ST8SIA1: variants seen among roughly 807,000 people sequenced by gnomAD.
ST8SIA1 encodes ST8 alpha-N-acetyl-neuraminide alpha-2,8-sialyltransferase 1, also known as alpha-N-acetylneuraminide alpha-2,8-sialyltransferase.
ST8SIA1 carries 16 observed loss-of-function variants against 35.9 expected under a neutral mutation model. That is an observed-to-expected ratio of 0.45 (90% CI 0.30 to 0.68). The LOEUF (loss-of-function observed/expected upper bound fraction) is 0.68. Among genes scored for constraint, ST8SIA1 ranks in the 30% least tolerant of loss-of-function variants. ST8SIA1 has a pLI of 0.09. For missense variants in ST8SIA1, 383 were observed against 453.6 expected, an observed-to-expected ratio of 0.84 and a Z score of 1.41; for synonymous variants, 170 against 169.6, an observed-to-expected ratio of 1.00 and a Z score of -0.02.
chr12:22,268,016 G>T (rs1427082128), intron 2 of ST8SIA1, among the ~76,000 whole-genome samples: 1 of 152,116 alleles, frequency 6.6e-6, no homozygotes, highest in Non-Finnish European at 1.5e-5. Flanking sequence ...CTTAGCACTG[G>T]GTAACACTTG....
chr12:22,195,205 A>AAAAAAAAAAAAG lies in ST8SIA1; in HGVS notation c.*6346_*6347insCTTTTTTTTTTT, dbSNP rs1864969866. The AAAAAAAAAAAAG allele has an allele frequency of 2.2e-5, 3 of 134,196 alleles. No homozygotes were observed. Among genetic ancestry groups the AAAAAAAAAAAAG allele is most frequent in the East Asian group, 2.3e-4 (1 of 4,388 alleles). 8.3% of individuals were successfully genotyped at this position (134,196 alleles called of 1,614,324 possible). A position where few individuals can be genotyped will look rare whatever the true frequency, so the allele number is the denominator to read the frequency against. ...TGTCTCAACAAAAAAAAAAAAAAAA[A>AAAAAAAAAAAAG]AAAAAAAGAAAGAAAGAAAGAAAGG... On this transcript the variant is annotated 3_prime_UTR_variant, in exon 5 of 5. Transcript: ENST00000396037.
intron 2 of ST8SIA1, among the ~76,000 whole-genome samples, chr12:22,273,468 A>G (rs1865935211): frequency 6.6e-6 from 1 of 152,180 alleles, no homozygotes; most frequent in Admixed American, 6.5e-5. Context: ...CACCCCTGCT[A>G]AAAGCTGTTT....
Position 22,197,468 on chromosome 12 carries a change from A to G in ST8SIA1, c.*4084T>C, listed in dbSNP as rs1456309145. 2.6e-5 allele frequency: 4 copies of G among 152,218 alleles called. No homozygotes were observed. In the East Asian group the frequency reaches 7.7e-4, roughly 29 times the overall value. The allele number at this position is 152,218 out of a possible 1,614,324, so 9.4% of individuals were successfully genotyped here. A position where few individuals can be genotyped will look rare whatever the true frequency, so the allele number is the denominator to read the frequency against. ...AAAATTTCACAAAGTCAATATTTCA[A>G]CCACAGAAGTTAAAACTCTGGATGG... is the stretch of plus-strand genomic sequence containing the variant. On this transcript the variant is annotated 3_prime_UTR_variant, in exon 5 of 5. Transcript: ENST00000396037.
At chr12:22,252,101 T>C (rs1173545040) in intron 3 of ST8SIA1, among the ~76,000 whole-genome samples, 5 of 152,228 alleles carry the variant, frequency 3.3e-5, no homozygotes, top group African/African-American at 7.2e-5. Context: ...ATGTTTACTT[T>C]GAGAAATGGG....
chr12:22,232,908 T>C (rs1865435484), intron 4 of ST8SIA1, among the ~76,000 whole-genome samples: 1 of 151,550 alleles, frequency 6.6e-6, no homozygotes, highest in African/African-American at 2.4e-5. Context: ...GGAAACTAAG[T>C]GAAGTAAGTG....
At chr12:22,233,804 G>A (rs988734910) in intron 4 of ST8SIA1, among the ~76,000 whole-genome samples, 6 of 152,162 alleles carry the variant, frequency 3.9e-5, no homozygotes, top group South Asian at 2.1e-4. Flanking sequence ...ACCTCTCAGC[G>A]TATCAGTTCT....
At chr12:22,217,874 C>A (rs1240045503) in intron 4 of ST8SIA1, among the ~76,000 whole-genome samples, 7 of 152,164 alleles carry the variant, frequency 4.6e-5, no homozygotes, top group Non-Finnish European at 7.4e-5. Context: ...TAATAGGAAA[C>A]CACTTCCTAG....
intron 2 of ST8SIA1, among the ~76,000 whole-genome samples, chr12:22,262,261 A>G (rs1865801538): frequency 6.6e-6 from 1 of 152,110 alleles, no homozygotes; most frequent in Non-Finnish European, 1.5e-5. Flanking sequence ...AAGAATTTAA[A>G]CCCTGTTTGT....
intron 4 of ST8SIA1, among the ~76,000 whole-genome samples, chr12:22,244,568 T>C (rs1217480954): frequency 6.6e-6 from 1 of 152,148 alleles, no homozygotes; most frequent in African/African-American, 2.4e-5. Flanking sequence ...GCAATTCTCC[T>C]GCCTCAGCCT....
At chr12:22,285,088 T>C (rs1269740096) in intron 2 of ST8SIA1, among the ~76,000 whole-genome samples, 2 of 152,234 alleles carry the variant, frequency 1.3e-5, no homozygotes, top group Non-Finnish European at 2.9e-5. Flanking sequence ...TCTGTACCAC[T>C]CTCTTTCCAG....
At chr12:22,226,893 C>A (rs189707054) in intron 4 of ST8SIA1, among the ~76,000 whole-genome samples, 2 of 152,058 alleles carry the variant, frequency 1.3e-5, no homozygotes, top group African/African-American at 2.4e-5. Flanking sequence ...ATTTCCTCTG[C>A]GAAAGCATGT....
At chr12:22,332,243 A>G (rs1024534647) in intron 1 of ST8SIA1, among the ~76,000 whole-genome samples, 22 of 152,224 alleles carry the variant, frequency 1.4e-4, no homozygotes, top group Admixed American at 3.3e-4. Context: ...ACCAGACCAG[A>G]TAACAGCCAA....
At chr12:22,266,527 T>C (rs1865850824) in intron 2 of ST8SIA1, among the ~76,000 whole-genome samples, 1 of 151,588 alleles carries the variant, frequency 6.6e-6, no homozygotes, top group Non-Finnish European at 1.5e-5. Flanking sequence ...AGGCCAGGCA[T>C]GGTGGCTCAC....
At position 22,194,095 on chromosome 12, in the gene ST8SIA1, A is replaced by G. The variant is rs1864954957; in HGVS notation, c.*7457T>C. 6.6e-6 allele frequency: 1 copy of G among 152,116 alleles called. No homozygotes were observed. Among genetic ancestry groups the G allele is most frequent in the African/African-American group, 2.4e-5 (1 of 41,440 alleles). 9.4% of individuals were successfully genotyped at this position (152,116 alleles called of 1,614,324 possible). ...TAAGCAGGCTTTTTGATGGAGCTAT[A>G]TTTGTTCTCTTCTCTCTAGTGTCTC... On this transcript the variant is annotated 3_prime_UTR_variant, in exon 5 of 5. Coordinates refer to ENST00000396037, the MANE Select transcript of ST8SIA1 (RefSeq NM_003034.4).
chr12:22,304,412 T>C (rs200818469), intron 1 of ST8SIA1, among the ~76,000 whole-genome samples: 1 of 151,472 alleles, frequency 6.6e-6, no homozygotes, highest in Non-Finnish European at 1.5e-5. Flanking sequence ...ATTTACTTCT[T>C]CTGTCTCTTC....
At chr12:22,227,683 A>C (rs956007158) in intron 4 of ST8SIA1, among the ~76,000 whole-genome samples, 8 of 152,224 alleles carry the variant, frequency 5.3e-5, no homozygotes, top group African/African-American at 1.7e-4. Flanking sequence ...TAAAGCAAGA[A>C]ACTTATTCCA....
chr12:22,225,507 C>T (rs1176055590), intron 4 of ST8SIA1, among the ~76,000 whole-genome samples: 1 of 152,100 alleles, frequency 6.6e-6, no homozygotes, highest in Non-Finnish European at 1.5e-5. Flanking sequence ...CTTAACCTTG[C>T]TTGATTTGCA....
At chr12:22,220,196 C>G (rs992388901) in intron 4 of ST8SIA1, among the ~76,000 whole-genome samples, 9 of 152,192 alleles carry the variant, frequency 5.9e-5, no homozygotes, top group African/African-American at 2.2e-4. Flanking sequence ...TTGTTTTCAA[C>G]TCACATGATG....
intron 4 of ST8SIA1, among the ~76,000 whole-genome samples, chr12:22,230,942 C>T (rs116730707): frequency 6.6e-6 from 1 of 152,058 alleles, no homozygotes; most frequent in African/African-American, 2.4e-5. Flanking sequence ...GCCACTGCCT[C>T]TGCCAATTCT....
Sources: allele counts gnomAD v4.1 joint callset (sites outside exome capture counted in the v4.1 genomes callset), GRCh38; gene constraint gnomAD v4.1.1; transcripts MANE v1.5; gene names NCBI Gene and HGNC (gene_info 2026-07-23, HGNC 2026-07-21).